The following FRMD7 variants were observed in gnomAD, a reference collection of about 807,000 sequenced individuals.
FRMD7 encodes FERM domain-containing protein 7.
In FRMD7, 14 loss-of-function variants were observed where a neutral mutation model predicts 44.1. The ratio of observed to expected loss-of-function variants is 0.32; its 90% confidence interval spans 0.21 to 0.50. FRMD7 has a LOEUF of 0.50. Among genes scored for constraint, FRMD7 ranks in the 20% least tolerant of loss-of-function variants. The probability of loss-of-function intolerance (pLI) is 0.99; values close to 1 mark genes in which losing one functional copy is unlikely to be tolerated. For synonymous variants in FRMD7, 212 were observed against 187.4 expected, an observed-to-expected ratio of 1.13 and a Z score of -1.07; for missense variants, 501 against 522.3, an observed-to-expected ratio of 0.96 and a Z score of 0.40.
chrX:132,107,096 A>G (rs1207554641), intron 1 of FRMD7, among the ~76,000 whole-genome samples: 1 of 112,218 alleles, frequency 8.9e-6, no homozygotes, highest in Non-Finnish European at 1.9e-5. Context: ...AAAAATACAG[A>G]CTATACAATT....
intron 3 of FRMD7, among the ~76,000 whole-genome samples, chrX:132,098,659 G>A (rs1235726166): frequency 1.9e-5 from 2 of 105,824 alleles, no homozygotes; most frequent in Non-Finnish European, 3.9e-5. Context: ...ATAGAAATCC[G>A]CCTGCCTCAG....
chrX:132,079,057 G>T, intron 11 of FRMD7, 91 bp from the exon 12 acceptor site: 1 of 765,066 alleles, frequency 1.3e-6, no homozygotes, highest in Non-Finnish European at 2.0e-6. Context: ...AGTTTGAAAG[G>T]TAGTTTTTCA....
chrX:132,102,297 G>C (rs1928522066), intron 1 of FRMD7, among the ~76,000 whole-genome samples: 1 of 111,929 alleles, frequency 8.9e-6, no homozygotes, highest in Admixed American at 9.5e-5. Context: ...ACCCCAGTCC[G>C]ATTTTTAAAT....
intron 1 of FRMD7, among the ~76,000 whole-genome samples, chrX:132,103,158 G>A (rs751490612): frequency 2.7e-5 from 3 of 112,063 alleles, no homozygotes; most frequent in Non-Finnish European, 5.6e-5. Context: ...AATGTGTTAT[G>A]TAATAGGTAA....
chrX:132,094,317 C>T (rs1452489758), intron 4 of FRMD7, 178 bp from the exon 5 acceptor site: 1 of 440,662 alleles, frequency 2.3e-6, no homozygotes, highest in African/African-American at 2.4e-5. Flanking sequence ...CAGACCCGGA[C>T]CACAACTCAG....
chrX:132,089,671 T>C (rs1337761575), intron 5 of FRMD7, among the ~76,000 whole-genome samples: 5 of 112,116 alleles, frequency 4.5e-5, no homozygotes, highest in African/African-American at 9.7e-5. Flanking sequence ...CATTTAAAAA[T>C]GGGCAAAAGA....
chrX:132,108,617 C>T (rs747207768), intron 1 of FRMD7, among the ~76,000 whole-genome samples: 3 of 111,295 alleles, frequency 2.7e-5, no homozygotes, highest in African/African-American at 9.8e-5. Context: ...CAGGCATAAA[C>T]CAGGCCTGTC....
Position 132,078,818 on chromosome X carries a change from G to A in FRMD7, c.1199C>T (p.Ala400Val), listed in dbSNP as rs943531530. ...ATELEHSKPE[A>V]DPTLLHQSQS... ...GGACTGATGTAGCAATGTGGGATCCGCCTCTGGTTTGGAATGCTCCAGCTC... is the reference window on the plus strand; with the variant it reads ...GGACTGATGTAGCAATGTGGGATCCACCTCTGGTTTGGAATGCTCCAGCTC... Residue 400 changes from alanine (A) to valine (V), a missense_variant, in exon 12 of 12, where the codon GCG becomes GTG. By Grantham distance (64) the Ala-to-Val change is moderately conservative (BLOSUM62 0). Transcript: ENST00000298542. 1.6e-5 allele frequency: 19 copies of A among 1,208,686 alleles called. No individual in the cohort carries two copies. Among genetic ancestry groups the A allele is most frequent in the Non-Finnish European group, 2.0e-5 (18 of 894,558 alleles).
At chrX:132,083,181 C>A (rs898008549) in intron 8 of FRMD7, among the ~76,000 whole-genome samples, 4 of 111,577 alleles carry the variant, frequency 3.6e-5, no homozygotes, top group African/African-American at 1.3e-4. Flanking sequence ...GTCTCAAACT[C>A]CTGAACTCAA....
intron 1 of FRMD7, among the ~76,000 whole-genome samples, chrX:132,120,413 G>A (rs779972749): frequency 1.8e-5 from 2 of 112,813 alleles, no homozygotes; most frequent in African/African-American, 6.4e-5. Context: ...CCTGCCCTGC[G>A]ATGAAAGGTG....
In FRMD7 at chrX:132,127,982, C is replaced by T; in HGVS notation, c.-138G>A. On this transcript the variant is annotated 5_prime_UTR_variant, in exon 1 of 12. In the 5' UTR this introduces an upstream ATG that the reference lacks. Transcript: ENST00000298542. ...GCATTCCCACTGTCAGCGGGGCACA[C>T]TTCCGTTTGCTTGAAGTAATGCACA... 1 of 544,595 alleles carries T rather than the reference C, an allele frequency of 1.8e-6. No individual in the cohort carries two copies. The highest frequency in any genetic ancestry group is 3.5e-5 in the East Asian group (1 of 28,433). The allele number at this position is 544,595 out of a possible 1,213,427, so 44.9% of individuals were successfully genotyped here.
At chrX:132,092,648 A>C (rs778474133) in intron 5 of FRMD7, among the ~76,000 whole-genome samples, 25 of 111,919 alleles carry the variant, frequency 2.2e-4, no homozygotes, top group Admixed American at 6.6e-4. Context: ...GAATGCTCAA[A>C]TCCATAAGGC....
chrX:132,106,654 A>T (rs1056928286), intron 1 of FRMD7, among the ~76,000 whole-genome samples: 1 of 112,541 alleles, frequency 8.9e-6, no homozygotes, highest in Non-Finnish European at 1.9e-5. Context: ...GGATAAAGAA[A>T]ATGTGGTACA....
At position 132,080,280 on chromosome X, in the gene FRMD7, C is replaced by T; in HGVS notation, c.906-14G>A. ...TGGGTTCGTCCACTATCATAAGGAACAATAAAAATCCTTAGTTCTAGCCAT... is the reference window on the plus strand; with the variant it reads ...TGGGTTCGTCCACTATCATAAGGAATAATAAAAATCCTTAGTTCTAGCCAT... On this transcript the variant is annotated splice_polypyrimidine_tract_variant and intron_variant, in intron 9 of 11. Transcript: ENST00000298542. 1 of 1,109,984 alleles carries T rather than the reference C, an allele frequency of 9.0e-7. No individual in the cohort carries two copies. 91.5% of individuals were successfully genotyped at this position (1,109,984 alleles called of 1,213,427 possible). A position where few individuals can be genotyped will look rare whatever the true frequency, so the allele number is the denominator to read the frequency against.
intron 8 of FRMD7, 124 bp downstream of exon 8, chrX:132,084,366 G>T: frequency 1.9e-6 from 1 of 522,621 alleles, no homozygotes; most frequent in Admixed American, 2.6e-5. Flanking sequence ...AAAGGCAAAA[G>T]AAAAGACACA....
At chrX:132,085,338 C>G (rs1457437168) in intron 7 of FRMD7, among the ~76,000 whole-genome samples, 1 of 111,950 alleles carries the variant, frequency 8.9e-6, no homozygotes, top group Admixed American at 9.5e-5. Context: ...AGAAAGAAGT[C>G]TCACTCCCAC....
intron 1 of FRMD7, among the ~76,000 whole-genome samples, chrX:132,117,950 G>C (rs940247916): frequency 9.0e-6 from 1 of 111,695 alleles, no homozygotes; most frequent in African/African-American, 3.3e-5. Context: ...GTACATTTTT[G>C]GTTGTCTTAT....
At chrX:132,091,031 C>T (rs1602806925) in intron 5 of FRMD7, among the ~76,000 whole-genome samples, 1 of 111,592 alleles carries the variant, frequency 9.0e-6, no homozygotes, top group East Asian at 2.8e-4. Context: ...TCCACCATTT[C>T]CTCTTGAGGT....
Position 132,085,626 on chromosome X carries a change from C to T in FRMD7, c.600G>A (p.Met200Ile). ...TGTGAGCAACAGCCAGGTGAATCTG[C>T]ATCCCTTCACCATCACTGGCGGGGT... Reference protein sequence around the residue: ...RPHPASDGEGMQIHLAVAHMG... With the variant: ...RPHPASDGEGIQIHLAVAHMG... Residue 200 changes from methionine (M) to isoleucine (I), a missense_variant, in exon 7 of 12, where the codon ATG (methionine) becomes ATA (isoleucine). By Grantham distance (10) the Met-to-Ile change is conservative (BLOSUM62 1). Coordinates refer to ENST00000298542, the MANE Select transcript of FRMD7 (RefSeq NM_194277.3). 8.3e-7 allele frequency: 1 copy of T among 1,209,731 alleles called. No individual in the cohort carries two copies. Among genetic ancestry groups the T allele is most frequent in the Non-Finnish European group, 1.1e-6 (1 of 893,504 alleles).
Sources: allele counts gnomAD v4.1 joint callset (sites outside exome capture counted in the v4.1 genomes callset), GRCh38; gene constraint gnomAD v4.1.1; transcripts MANE v1.5; gene names NCBI Gene and HGNC (gene_info 2026-07-23, HGNC 2026-07-21).